The following TMEM132D variants were observed in gnomAD, a reference collection of about 807,000 sequenced individuals.
The protein encoded by TMEM132D is mature OL transmembrane protein.
Under a neutral mutation model 62.3 loss-of-function variants are expected in TMEM132D, and 21 were observed. That is an observed-to-expected ratio of 0.34 (90% confidence interval 0.24 to 0.49). The LOEUF (loss-of-function observed/expected upper bound fraction) is 0.49, where lower values mean the gene tolerates loss of function less well. TMEM132D is among the 20% of genes least tolerant of loss of function. The pLI, the probability that TMEM132D is intolerant of heterozygous loss-of-function variation, is 0.99. For synonymous variants in TMEM132D, 621 were observed against 575.6 expected (o/e 1.08, Z -1.13); for missense variants, 1,346 against 1,402.8 (o/e 0.96, Z 0.65).
intron 3 of TMEM132D, among the ~76,000 whole-genome samples, chr12:129,453,019 C>T (rs1294873483): frequency 1.3e-5 from 2 of 152,160 alleles, no homozygotes; most frequent in African/African-American, 4.8e-5. Context: ...AGCCTTACTG[C>T]CTGAGCTCTG....
intron 2 of TMEM132D, among the ~76,000 whole-genome samples, chr12:129,583,876 G>A (rs1877946201): frequency 6.6e-6 from 1 of 151,970 alleles, no homozygotes. Context: ...ACGGACCAAA[G>A]GGAAAAAAGG....
At chr12:129,568,365 C>T (rs966240948) in intron 2 of TMEM132D, among the ~76,000 whole-genome samples, 3 of 152,228 alleles carry the variant, frequency 2.0e-5, no homozygotes, top group Admixed American at 1.3e-4. Flanking sequence ...CACTGACAAA[C>T]GCAATTCCCT....
At chr12:129,463,317 T>A (rs1057137553) in intron 3 of TMEM132D, among the ~76,000 whole-genome samples, 2 of 152,034 alleles carry the variant, frequency 1.3e-5, no homozygotes, top group South Asian at 4.1e-4. Flanking sequence ...CCAGAAATAC[T>A]GACAGATGTA....
At chr12:129,617,893 G>A (rs1398309170) in intron 2 of TMEM132D, among the ~76,000 whole-genome samples, 5 of 152,198 alleles carry the variant, frequency 3.3e-5, no homozygotes, top group African/African-American at 1.2e-4. Context: ...ATATATTCAA[G>A]ACACAGCAGA....
intron 4 of TMEM132D, among the ~76,000 whole-genome samples, chr12:129,254,332 G>A (rs1397454362): frequency 6.6e-6 from 1 of 152,158 alleles, no homozygotes; most frequent in Admixed American, 6.5e-5. Context: ...GCCCAAATAT[G>A]TGCAACTATT....
rs535932931 is a variant in TMEM132D, at chr12:129,623,269, C to A, written c.968+76541G>T. On this transcript the variant is annotated intron_variant, in intron 2 of 8. Coordinates refer to ENST00000422113, the MANE Select transcript of TMEM132D (RefSeq NM_133448.3). ...ACTGTGTTGTTCCTCTGGGTGAATT[C>A]TTTGCTTTTTATTTTGTATTTTATT... Among the ~76,000 whole-genome samples the A allele has an allele frequency of 3.3e-5, 5 of 152,194 alleles. No individual in the cohort carries two copies. The East Asian group carries it at 9.6e-4, about 29-fold the overall frequency.
At chr12:129,089,695 G>C (rs1874843612) in intron 5 of TMEM132D, among the ~76,000 whole-genome samples, 1 of 152,232 alleles carries the variant, frequency 6.6e-6, no homozygotes, top group Non-Finnish European at 1.5e-5. Flanking sequence ...CACGTGTCAG[G>C]GTTGGAGGCT....
chr12:129,356,951 G>T (rs1388390765), intron 3 of TMEM132D, among the ~76,000 whole-genome samples: 1 of 141,866 alleles, frequency 7.0e-6, no homozygotes, highest in Non-Finnish European at 1.5e-5. Context: ...GGAGGGGAGG[G>T]GAGGGGAGGG....
chr12:129,148,245 C>A (rs1484649400), intron 5 of TMEM132D, among the ~76,000 whole-genome samples: 1 of 152,124 alleles, frequency 6.6e-6, no homozygotes, highest in African/African-American at 2.4e-5. Context: ...AAATCTATAG[C>A]CCCATGTGGG....
intron 5 of TMEM132D, among the ~76,000 whole-genome samples, chr12:129,206,840 T>A (rs147477746): frequency 3.9e-5 from 6 of 152,078 alleles, no homozygotes; most frequent in African/African-American, 1.4e-4. Context: ...TCCTAACTAA[T>A]ACAGGAATAG....
At chr12:129,879,327 G>T (rs906515278) in intron 1 of TMEM132D, among the ~76,000 whole-genome samples, 1 of 152,156 alleles carries the variant, frequency 6.6e-6, no homozygotes, top group African/African-American at 2.4e-5. Context: ...TGGGTCTGCT[G>T]GCTGAAAACA....
rs74724941 is a variant in TMEM132D at position 129,074,004 on chromosome 12, G to A, written c.3171C>T (p.Asp1057=). 670 of 1,613,952 alleles carry A rather than the reference G, an allele frequency of 4.2e-4. 4 individuals carry two copies. The East Asian group carries it at 0.011, about 27-fold the overall frequency. The change falls in exon 9 of 9, where the codon GAC becomes GAT. Residue 1057 remains aspartate (D), a synonymous_variant. Transcript: ENST00000422113. ...CGATGGAGTTCCTGGTGGGGTACTCGTCGTCTGAGGAGACGGCGGTGAAGG... is the reference window on the plus strand; with the variant it reads ...CGATGGAGTTCCTGGTGGGGTACTCATCGTCTGAGGAGACGGCGGTGAAGG... ...FTTFTAVSSD[D]EYPTRNSIVM...
At chr12:129,199,317 G>C (rs1462700839) in intron 5 of TMEM132D, among the ~76,000 whole-genome samples, 1 of 152,012 alleles carries the variant, frequency 6.6e-6, no homozygotes. Flanking sequence ...GCTCAGGCTG[G>C]TCTCGAACTC....
At chr12:129,760,456 T>C (rs911686580) in intron 1 of TMEM132D, among the ~76,000 whole-genome samples, 3 of 148,020 alleles carry the variant, frequency 2.0e-5, no homozygotes, top group Admixed American at 6.9e-5. Flanking sequence ...CTCAGCCTCC[T>C]GAGTAGCTGG....
At chr12:129,271,528 T>A (rs545867663) in intron 4 of TMEM132D, among the ~76,000 whole-genome samples, 1 of 151,634 alleles carries the variant, frequency 6.6e-6, no homozygotes, top group Admixed American at 6.6e-5. Context: ...TCCACATGCA[T>A]TAGGTATTTG....
intron 5 of TMEM132D, among the ~76,000 whole-genome samples, chr12:129,100,493 T>G (rs1393284262): frequency 6.6e-6 from 1 of 152,228 alleles, no homozygotes; most frequent in African/African-American, 2.4e-5. Flanking sequence ...TTTTTATGTC[T>G]GACTGATGCA....
intron 4 of TMEM132D, among the ~76,000 whole-genome samples, chr12:129,286,570 T>C (rs796115020): frequency 1.1e-4 from 17 of 152,330 alleles, no homozygotes; most frequent in African/African-American, 3.8e-4. Context: ...TCCCTCCTCC[T>C]GGGCACCCAG....
intron 7 of TMEM132D, 23 bp from the exon 8 acceptor site, chr12:129,078,748 C>A (rs373674977): frequency 1.2e-5 from 19 of 1,606,560 alleles, no homozygotes; most frequent in Admixed American, 1.7e-5. Flanking sequence ...AGCGACATGA[C>A]AAGGAAAGGC....
chr12:129,726,399 G>A (rs1477261495), intron 1 of TMEM132D, among the ~76,000 whole-genome samples: 2 of 152,072 alleles, frequency 1.3e-5, no homozygotes, highest in Admixed American at 6.6e-5. Context: ...AGGTGCATTT[G>A]GATTGGGGGA....
Sources: gnomAD v4.1 joint callset for allele counts (sites outside exome capture counted in the v4.1 genomes callset) on GRCh38, gnomAD v4.1.1 for gene constraint, MANE v1.5 for transcripts, NCBI Gene and HGNC (gene_info 2026-07-23, HGNC 2026-07-21) for gene names.